The following NLGN1 variants were observed in gnomAD, a reference collection of about 807,000 sequenced individuals.
The protein encoded by NLGN1 is neuroligin-1.
A neutral mutation model predicts 65.5 loss-of-function variants in NLGN1; 12 were observed. That is an observed-to-expected ratio of 0.18 (90% CI 0.12 to 0.30). The LOEUF is 0.30. Ranked by LOEUF, NLGN1 falls within the 10% of genes least tolerant of loss-of-function variation. NLGN1 has a pLI of 1.00. For missense variants in NLGN1, 750 were observed against 1,007.1 expected (o/e 0.74, Z 3.46); for synonymous variants, 350 against 359.5 (o/e 0.97, Z 0.30).
intron 4 of NLGN1, among the ~76,000 whole-genome samples, chr3:174,162,134 G>A (rs1354476787): frequency 1.3e-5 from 2 of 151,764 alleles, no homozygotes; most frequent in Admixed American, 6.6e-5. Flanking sequence ...TGACCCCCCA[G>A]AATTCTGTAC....
intron 4 of NLGN1, among the ~76,000 whole-genome samples, chr3:174,225,155 G>A (rs939229487): frequency 6.6e-6 from 1 of 152,110 alleles, no homozygotes; most frequent in Non-Finnish European, 1.5e-5. Context: ...ATATTCTCAC[G>A]AAATCCCAAT....
chr3:174,022,680 T>C (rs182244054), intron 4 of NLGN1, among the ~76,000 whole-genome samples: 3 of 151,868 alleles, frequency 2.0e-5, no homozygotes, highest in Non-Finnish European at 4.4e-5. Flanking sequence ...TTTGGGGAAA[T>C]AGCCATTGGG....
intron 3 of NLGN1, among the ~76,000 whole-genome samples, chr3:173,770,888 AG>A (rs965573505): frequency 1.3e-5 from 2 of 152,188 alleles, no homozygotes; most frequent in African/African-American, 4.8e-5. Context: ...CAACCTTTAT[AG>A]GAGAGCTTGT....
chr3:173,474,377 G>A (rs1022042137), intron 2 of NLGN1, among the ~76,000 whole-genome samples: 2 of 152,100 alleles, frequency 1.3e-5, no homozygotes, highest in Admixed American at 1.3e-4. Context: ...ATTCTGTGAA[G>A]CGTTGCATCT....
intron 4 of NLGN1, among the ~76,000 whole-genome samples, chr3:174,138,194 C>CTA (rs889366990): frequency 1.3e-5 from 2 of 151,942 alleles, no homozygotes; most frequent in Non-Finnish European, 1.5e-5. Context: ...TACCCGCATA[C>CTA]TATATATATA....
At chr3:174,176,486 C>A (rs546876821) in intron 4 of NLGN1, among the ~76,000 whole-genome samples, 1 of 152,056 alleles carries the variant, frequency 6.6e-6, no homozygotes, top group Non-Finnish European at 1.5e-5. Context: ...TTTCTGCAGG[C>A]CATCAGTGGT....
At chr3:173,914,517 A>G (rs1031043849) in intron 4 of NLGN1, among the ~76,000 whole-genome samples, 1 of 146,620 alleles carries the variant, frequency 6.8e-6, no homozygotes, top group Non-Finnish European at 1.5e-5. Context: ...GTGTGTATAT[A>G]TACACATACA....
chr3:174,290,974 A>T (rs1248259208), downstream of NLGN1, among the ~76,000 whole-genome samples: 1 of 151,014 alleles, frequency 6.6e-6, no homozygotes, highest in Non-Finnish European at 1.5e-5. Context: ...AATCAGAATT[A>T]GAAAAGTTAA....
At chr3:173,727,056 T>G (rs1423065466) in intron 3 of NLGN1, among the ~76,000 whole-genome samples, 1 of 152,104 alleles carries the variant, frequency 6.6e-6, no homozygotes, top group East Asian at 1.9e-4. Flanking sequence ...GAAAAACTTT[T>G]AAACATAAGG....
At chr3:173,455,345 A>G (rs1355518073) in intron 2 of NLGN1, among the ~76,000 whole-genome samples, 1 of 152,112 alleles carries the variant, frequency 6.6e-6, no homozygotes, top group Non-Finnish European at 1.5e-5. Flanking sequence ...CTGACTCATT[A>G]TTATGAGGGG....
chr3:173,585,966 T>TAAAA (rs1237457598), intron 2 of NLGN1, among the ~76,000 whole-genome samples: 1 of 152,206 alleles, frequency 6.6e-6, no homozygotes, highest in East Asian at 1.9e-4. Context: ...CTCAGGCAAC[T>TAAAA]AAAAGTTGCT....
At chr3:173,801,821 T>C (rs1017127928) in intron 3 of NLGN1, among the ~76,000 whole-genome samples, 2 of 152,110 alleles carry the variant, frequency 1.3e-5, no homozygotes, top group South Asian at 2.1e-4. Flanking sequence ...AATAAACTTA[T>C]ACTATCAAGA....
intron 1 of NLGN1, among the ~76,000 whole-genome samples, chr3:173,403,814 G>C (rs1177377374): frequency 6.6e-6 from 1 of 151,928 alleles, no homozygotes; most frequent in Non-Finnish European, 1.5e-5. Context: ...TTATTTTTTA[G>C]AACAAGAAAT....
rs111253791 is a variant in NLGN1, at chr3:173,551,219, A to T, written c.-320-53060A>T. On this transcript the variant is annotated intron_variant, in intron 2 of 6. Transcript: ENST00000457714. ...AGTGATAAATAGTGTAATTTTCAGG[A>T]TCTTGCTAAAAGTTTTTCCAAATAA... Among the ~76,000 whole-genome samples the T allele has an allele frequency of 5.4e-4, 80 of 149,408 alleles. 1 individual carries two copies. The highest frequency in any genetic ancestry group is 1.9e-3 in the Admixed American group (28 of 14,820).
intron 4 of NLGN1, among the ~76,000 whole-genome samples, chr3:174,040,232 G>A (rs1235295626): frequency 6.6e-6 from 1 of 151,992 alleles, no homozygotes; most frequent in Non-Finnish European, 1.5e-5. Flanking sequence ...CTCACCACAT[G>A]TCTTCTGATT....
chr3:173,998,130 C>T (rs894317238), intron 4 of NLGN1, among the ~76,000 whole-genome samples: 1 of 152,136 alleles, frequency 6.6e-6, no homozygotes, highest in Admixed American at 6.6e-5. Context: ...TAAAGCCCAA[C>T]AAGGATACAT....
chr3:173,841,169 T>C (rs994468704), intron 4 of NLGN1, among the ~76,000 whole-genome samples: 1 of 150,992 alleles, frequency 6.6e-6, no homozygotes, highest in African/African-American at 2.4e-5. Flanking sequence ...ATATCCCAAA[T>C]CAAATACTAG....
At chr3:174,002,751 A>T (rs964688660) in intron 4 of NLGN1, among the ~76,000 whole-genome samples, 2 of 151,820 alleles carry the variant, frequency 1.3e-5, no homozygotes, top group African/African-American at 4.8e-5. Flanking sequence ...CCCTGGGGGA[A>T]AAAAAAATGG....
At chr3:173,531,969 GA>G (rs1322952685) in intron 2 of NLGN1, among the ~76,000 whole-genome samples, 2 of 152,074 alleles carry the variant, frequency 1.3e-5, no homozygotes, top group African/African-American at 4.8e-5. Flanking sequence ...CTATTTTATA[GA>G]AGTGCATTTC....
Sources: gnomAD v4.1 joint callset for allele counts (sites outside exome capture counted in the v4.1 genomes callset) on GRCh38, gnomAD v4.1.1 for gene constraint, MANE v1.5 for transcripts, NCBI Gene and HGNC (gene_info 2026-07-23, HGNC 2026-07-21) for gene names.